NRAS: variants seen among roughly 807,000 people sequenced by gnomAD.
NRAS encodes the protein NRAS proto-oncogene, GTPase.
Under a neutral mutation model 21.3 loss-of-function variants are expected in NRAS, and 6 were observed. The ratio of observed to expected loss-of-function variants is 0.28; its 90% confidence interval spans 0.15 to 0.56. NRAS has a LOEUF of 0.56. Among genes scored for constraint, NRAS ranks in the 20% least tolerant of loss-of-function variants. The pLI is 0.93. For synonymous variants in NRAS, 84 were observed against 82.0 expected (o/e 1.02, Z -0.13); for missense variants, 143 against 231.3 (o/e 0.62, Z 2.48).
chr1:114,715,088 G>C (rs1251965962), intron 2 of NRAS, among the ~76,000 whole-genome samples: 3 of 152,228 alleles, frequency 2.0e-5, no homozygotes, highest in Non-Finnish European at 4.4e-5. Flanking sequence ...GAGGTCTGTG[G>C]TGTGATCTCG....
intron 3 of NRAS, 41 bp downstream of exon 3, chr1:114,713,759 C>A (rs771129357): frequency 2.6e-6 from 4 of 1,529,648 alleles, no homozygotes; most frequent in South Asian, 1.1e-5. Flanking sequence ...AGATTCAGAA[C>A]ACAAAGATCA....
chr1:114,709,435 A>C (rs1272774016), intron 4 of NRAS, 134 bp downstream of exon 4: 1 of 781,086 alleles, frequency 1.3e-6, no homozygotes, highest in Non-Finnish European at 2.1e-6. Context: ...ACTCTGCCTA[A>C]AAAAAAATAA....
intron 2 of NRAS, among the ~76,000 whole-genome samples, chr1:114,715,819 G>C (rs925831957): frequency 8.5e-5 from 13 of 152,142 alleles, no homozygotes; most frequent in Non-Finnish European, 1.9e-4. Context: ...TCAACACTGA[G>C]TTTGCAATAG....
intron 4 of NRAS, 95 bp from the exon 5 acceptor site, chr1:114,708,749 A>T: frequency 8.8e-7 from 1 of 1,138,946 alleles, no homozygotes; most frequent in Non-Finnish European, 1.3e-6. Context: ...CTTTATGTGG[A>T]CATAAGATTC....
intron 3 of NRAS, among the ~76,000 whole-genome samples, chr1:114,712,348 TA>T (rs1276134917): frequency 2.0e-5 from 3 of 152,246 alleles, no homozygotes; most frequent in African/African-American, 7.2e-5. Flanking sequence ...ATTTTACCCT[TA>T]TTTTTTTGGT....
In NRAS at chr1:114,705,649, C is replaced by G. The variant is rs1658893701; in HGVS notation, c.*2445G>C. On this transcript the variant is annotated 3_prime_UTR_variant, in exon 7 of 7. Coordinates refer to ENST00000369535, the MANE Select transcript of NRAS (RefSeq NM_002524.5). Reference sequence around the variant, plus strand: ...TGTAACTTTTTTTTTGGAGACAAGTCTCTCTTGTCACCCAGGCTGGAGTGC... The same window carrying G: ...TGTAACTTTTTTTTTGGAGACAAGTGTCTCTTGTCACCCAGGCTGGAGTGC... 6.6e-6 allele frequency: 1 copy of G among 152,210 alleles called. No homozygotes were observed. The highest frequency in any genetic ancestry group is 1.5e-5 in the Non-Finnish European group (1 of 68,044). 9.4% of individuals were successfully genotyped at this position (152,210 alleles called of 1,614,324 possible). A position where few individuals can be genotyped will look rare whatever the true frequency, so the allele number is the denominator to read the frequency against.
rs1202882444 is a variant in NRAS at position 114,707,905 on chromosome 1, G to T, written c.*189C>A. ...TCTGGTCAGACAGCCAAGTGAGGAG[G>T]TAGTTATTCTGAGAACTTCTCAAAT... On this transcript the variant is annotated 3_prime_UTR_variant, in exon 7 of 7. Coordinates refer to ENST00000369535, the MANE Select transcript of NRAS (RefSeq NM_002524.5). The T allele has an allele frequency of 6.5e-6, 1 of 153,582 alleles. No homozygotes were observed. The highest frequency in any genetic ancestry group is 2.4e-5 in the African/African-American group (1 of 41,466). 9.5% of individuals were successfully genotyped at this position (153,582 alleles called of 1,614,324 possible).
intron 3 of NRAS, among the ~76,000 whole-genome samples, chr1:114,710,473 T>C (rs1659021397): frequency 6.8e-6 from 1 of 146,224 alleles, no homozygotes; most frequent in Non-Finnish European, 1.5e-5. Context: ...GCCATAATTG[T>C]TCCACTGCAC....
intron 1 of NRAS, 135 bp from the exon 2 acceptor site, chr1:114,716,312 C>T (rs1659165634): frequency 1.4e-6 from 1 of 702,122 alleles, no homozygotes. Context: ...AACGCAAAAA[C>T]ACCGGATTAA....
At chr1:114,715,833 A>T (rs934500951) in intron 2 of NRAS, among the ~76,000 whole-genome samples, 6 of 152,244 alleles carry the variant, frequency 3.9e-5, no homozygotes, top group African/African-American at 1.4e-4. Context: ...GCAATAGTTT[A>T]CAGAACTGTT....
At position 114,705,614 on chromosome 1, in the gene NRAS, C is replaced by T. The variant is rs561619045; in HGVS notation, c.*2480G>A. The T allele has an allele frequency of 6.6e-6, 1 of 152,268 alleles. No individual in the cohort carries two copies. Among genetic ancestry groups the T allele is most frequent in the African/African-American group, 2.4e-5 (1 of 41,542 alleles). 9.4% of individuals were successfully genotyped at this position (152,268 alleles called of 1,614,324 possible). ...TTTGTCACTCCTTTGTGCCAAAATT[C>T]ACACCTAGGTGTAACTTTTTTTTTG... is the stretch of plus-strand genomic sequence containing the variant. On this transcript the variant is annotated 3_prime_UTR_variant, in exon 7 of 7. Transcript: ENST00000369535.
chr1:114,705,932 T>C lies in NRAS; in HGVS notation c.*2162A>G, dbSNP rs778405179. On this transcript the variant is annotated 3_prime_UTR_variant, in exon 7 of 7. Coordinates refer to ENST00000369535, the MANE Select transcript of NRAS (RefSeq NM_002524.5). ...CACAAGAGCCCAAGATGAGTAACTA[T>C]CTTTCTCCCTAATTTGACATCAAAT... is the stretch of plus-strand genomic sequence containing the variant. The C allele has an allele frequency of 2.0e-5, 3 of 152,230 alleles. No homozygotes were observed. Among genetic ancestry groups the C allele is most frequent in the Non-Finnish European group, 4.4e-5 (3 of 68,040 alleles). The allele number at this position is 152,230 out of a possible 1,614,324, so 9.4% of individuals were successfully genotyped here. A position where few individuals can be genotyped will look rare whatever the true frequency, so the allele number is the denominator to read the frequency against.
intron 3 of NRAS, among the ~76,000 whole-genome samples, chr1:114,713,146 T>C (rs1022771139): frequency 4.6e-5 from 7 of 152,194 alleles, no homozygotes; most frequent in African/African-American, 1.7e-4. Flanking sequence ...TTCATCTTTA[T>C]GGACTTCCTA....
rs773404559 is a variant in NRAS at position 114,716,084 on chromosome 1, T to C, written c.77A>G (p.Asn26Ser). The C allele has an allele frequency of 6.2e-7, 1 of 1,613,902 alleles. No individual in the cohort carries two copies. Among genetic ancestry groups the C allele is most frequent in the South Asian group, 1.1e-5 (1 of 91,082 alleles). ...GGGATCATATTCATCTACAAAGTGG[T>C]TCTGGATTAGCTGGATTGTCAGTGC... ...KSALTIQLIQ[N>S]HFVDEYDPTI... The change falls in exon 2 of 7, where the codon AAC becomes AGC. Residue 26 changes from asparagine to serine, a missense_variant. Physicochemically the swap from Asn to Ser is conservative, Grantham distance 46 (BLOSUM62 1). Coordinates refer to ENST00000369535, the MANE Select transcript of NRAS (RefSeq NM_002524.5).
At position 114,704,848 on chromosome 1, in the gene NRAS, T is replaced by G. The variant is rs934629333; in HGVS notation, c.*3246A>C. The G allele has an allele frequency of 1.3e-5, 2 of 152,210 alleles. No homozygotes were observed. The highest frequency in any genetic ancestry group is 6.5e-5 in the Admixed American group (1 of 15,274). 9.4% of individuals were successfully genotyped at this position (152,210 alleles called of 1,614,324 possible). On this transcript the variant is annotated 3_prime_UTR_variant, in exon 7 of 7. Coordinates refer to ENST00000369535, the MANE Select transcript of NRAS (RefSeq NM_002524.5). ...AAGAATACTTTTAAAACAATTCTTATAGAAAACAAATACCTTAGATAATTG... is the reference window on the plus strand; with the variant it reads ...AAGAATACTTTTAAAACAATTCTTAGAGAAAACAAATACCTTAGATAATTG...
chr1:114,709,332 G>A (rs1361238856), intron 4 of NRAS, among the ~76,000 whole-genome samples: 1 of 152,072 alleles, frequency 6.6e-6, no homozygotes, highest in East Asian at 1.9e-4. Flanking sequence ...CTACTTGGGA[G>A]GCTGAGGCAG....
chr1:114,712,433 CTTTGG>C (rs1240763465), intron 3 of NRAS, among the ~76,000 whole-genome samples: 4 of 152,128 alleles, frequency 2.6e-5, no homozygotes, highest in Admixed American at 2.6e-4. Flanking sequence ...TTTAAATACT[CTTTGG>C]TTTGAGCTAA....
At chr1:114,716,446 G>T (rs904086866) in intron 1 of NRAS, among the ~76,000 whole-genome samples, 3 of 151,970 alleles carry the variant, frequency 2.0e-5, no homozygotes, top group Non-Finnish European at 4.4e-5. Flanking sequence ...CTCCCCGAAG[G>T]CTTCTCAGCT....
intron 4 of NRAS, 62 bp from the exon 5 acceptor site, chr1:114,708,716 T>C: frequency 1.3e-6 from 2 of 1,509,614 alleles, no homozygotes; most frequent in South Asian, 2.3e-5. Flanking sequence ...ATCCAAATTA[T>C]AAGCTCTCTT....
Sources: gnomAD v4.1 joint callset for allele counts (sites outside exome capture counted in the v4.1 genomes callset) on GRCh38, gnomAD v4.1.1 for gene constraint, MANE v1.5 for transcripts, NCBI Gene and HGNC (gene_info 2026-07-23, HGNC 2026-07-21) for gene names.